The following STK32A variants were observed in gnomAD, a reference collection of about 807,000 sequenced individuals.
The protein encoded by STK32A is serine/threonine kinase 32A.
Under a neutral mutation model 53.2 loss-of-function variants are expected in STK32A, and 41 were observed. The ratio of observed to expected loss-of-function variants is 0.77; its 90% CI spans 0.60 to 1.00. STK32A has a LOEUF of 1.00. STK32A is among the 50% of genes least tolerant of loss of function. STK32A has a pLI of 0.00. For synonymous variants in STK32A, 166 were observed against 162.8 expected (o/e 1.02, Z -0.15); for missense variants, 458 against 485.8 (o/e 0.94, Z 0.54).
At chr5:147,391,345 C>G (rs563565974), downstream of STK32A, 2 of 152,644 alleles carry the variant, frequency 1.3e-5, no homozygotes, top group African/African-American at 2.4e-5. Flanking sequence ...AGAAATAGCT[C>G]TACTACGGGT....
intron 2 of STK32A, among the ~76,000 whole-genome samples, chr5:147,255,057 A>G (rs987265302): frequency 2.0e-5 from 3 of 152,140 alleles, no homozygotes; most frequent in Non-Finnish European, 4.4e-5. Context: ...GGAGAATGGC[A>G]TGAACCCAGG....
intron 11 of STK32A, among the ~76,000 whole-genome samples, chr5:147,379,271 T>G (rs1468546038): frequency 6.6e-6 from 1 of 152,016 alleles, no homozygotes; most frequent in Non-Finnish European, 1.5e-5. Context: ...CACATTCATT[T>G]TATATCCTGG....
At chr5:147,267,833 C>T (rs1754873190) in intron 2 of STK32A, among the ~76,000 whole-genome samples, 1 of 152,158 alleles carries the variant, frequency 6.6e-6, no homozygotes, top group Non-Finnish European at 1.5e-5. Flanking sequence ...CTCTGCCTGG[C>T]TACCTTTGGA....
chr5:147,290,794 T>A (rs1363011474), intron 4 of STK32A, among the ~76,000 whole-genome samples: 1 of 152,078 alleles, frequency 6.6e-6, no homozygotes, highest in Non-Finnish European at 1.5e-5. Context: ...TATGATTAAG[T>A]ATCGAGTTTG....
chr5:147,380,143 C>A (rs1413504249), intron 11 of STK32A, among the ~76,000 whole-genome samples: 1 of 152,084 alleles, frequency 6.6e-6, no homozygotes, highest in Non-Finnish European at 1.5e-5. Context: ...GTGGATTTTG[C>A]ATTTCACTCA....
chr5:147,366,095 C>T (rs757321016), intron 8 of STK32A, among the ~76,000 whole-genome samples: 3 of 151,950 alleles, frequency 2.0e-5, no homozygotes, highest in Non-Finnish European at 2.9e-5. Flanking sequence ...GCACCCCCGC[C>T]CACTCCCCAC....
chr5:147,246,326 C>A (rs1226977117), intron 2 of STK32A, among the ~76,000 whole-genome samples: 2 of 152,120 alleles, frequency 1.3e-5, no homozygotes, highest in South Asian at 4.1e-4. Flanking sequence ...AGAAAACAGA[C>A]CACAAACACT....
intron 2 of STK32A, among the ~76,000 whole-genome samples, chr5:147,257,751 T>C (rs562078458): frequency 9.2e-5 from 14 of 152,284 alleles, no homozygotes; most frequent in African/African-American, 3.4e-4. Flanking sequence ...GAACGTGATC[T>C]TCAGGCTGGT....
rs956960943 is a variant in STK32A at position 147,285,302 on chromosome 5, T to G, written c.260+5904T>G. On this transcript the variant is annotated intron_variant, in intron 4 of 12. Transcript: ENST00000397936. ...TCTCTCACCTTATACAAAAATCAAC[T>G]GAAGATGGATTAAGGACTTAAACCT... Among the ~76,000 whole-genome samples the G allele has an allele frequency of 2.0e-5, 3 of 152,012 alleles. No homozygotes were observed. The East Asian group carries it at 5.8e-4, about 29-fold the overall frequency.
intron 4 of STK32A, among the ~76,000 whole-genome samples, chr5:147,317,213 C>T (rs1461303728): frequency 2.0e-5 from 3 of 150,396 alleles, no homozygotes; most frequent in Non-Finnish European, 4.4e-5. Context: ...TTTTTACAAA[C>T]TACAAAGAAT....
intron 8 of STK32A, among the ~76,000 whole-genome samples, chr5:147,363,999 T>C (rs1207511108): frequency 6.6e-6 from 1 of 152,088 alleles, no homozygotes; most frequent in Non-Finnish European, 1.5e-5. Context: ...GCAGATCACC[T>C]GAGGTCAGTA....
chr5:147,287,908 C>G (rs1752421238), intron 4 of STK32A, among the ~76,000 whole-genome samples: 1 of 151,156 alleles, frequency 6.6e-6, no homozygotes, highest in African/African-American at 2.4e-5. Flanking sequence ...ATTTTACCTT[C>G]TCATATTTGT....
At chr5:147,347,229 AGT>A (rs1001630126) in intron 6 of STK32A, among the ~76,000 whole-genome samples, 4 of 152,068 alleles carry the variant, frequency 2.6e-5, no homozygotes, top group African/African-American at 7.2e-5. Context: ...AGCAAGAAAG[AGT>A]GTAAATGATG....
chr5:147,381,224 G>A (rs908407889), intron 11 of STK32A, among the ~76,000 whole-genome samples: 24 of 152,100 alleles, frequency 1.6e-4, no homozygotes, highest in African/African-American at 5.8e-4. Flanking sequence ...GAATATATCA[G>A]CCCACTGCCT....
intron 8 of STK32A, among the ~76,000 whole-genome samples, chr5:147,370,294 G>C (rs1353986485): frequency 1.3e-5 from 2 of 152,076 alleles, no homozygotes; most frequent in African/African-American, 4.8e-5. Context: ...CATTTATTGA[G>C]GACTTGTCCA....
rs2152003328 is a variant in STK32A at position 147,370,738 on chromosome 5, T to C, written c.745T>C (p.Trp249Arg). The change falls in exon 9 of 13, where the codon TGG (tryptophan) becomes CGG (arginine). Residue 249 changes from tryptophan to arginine, a missense_variant. Transcript: ENST00000397936. ...ETTVVTYPSA[W>R]SQEMVSLLKK... Reference sequence around the variant, plus strand: ...GACTGTTGTAACTTACCCTTCTGCCTGGTCACAGGAAATGGTGTCACTTCT... The same window carrying C: ...GACTGTTGTAACTTACCCTTCTGCCCGGTCACAGGAAATGGTGTCACTTCT... 6.2e-7 allele frequency: 1 copy of C among 1,612,486 alleles called. No individual in the cohort carries two copies. The highest frequency in any genetic ancestry group is 2.2e-5 in the East Asian group (1 of 44,842).
chr5:147,394,028 G>A, the STK32A span: 1 of 1,614,022 alleles, frequency 6.2e-7, no homozygotes, highest in East Asian at 2.2e-5. Context: ...CTTTGAGGAA[G>A]GCTTGCTTAA....
intron 4 of STK32A, among the ~76,000 whole-genome samples, chr5:147,288,033 G>A (rs374888831): frequency 6.6e-6 from 1 of 152,014 alleles, no homozygotes; most frequent in Non-Finnish European, 1.5e-5. Flanking sequence ...TGCTAATTTG[G>A]TGTCATTCCA....
intron 5 of STK32A, among the ~76,000 whole-genome samples, chr5:147,329,168 A>T (rs904998934): frequency 6.6e-6 from 1 of 152,190 alleles, no homozygotes; most frequent in Non-Finnish European, 1.5e-5. Context: ...GTAGAAAAAC[A>T]CAGGATGGTA....
Sources: gnomAD v4.1 joint callset for allele counts (sites outside exome capture counted in the v4.1 genomes callset) on GRCh38, gnomAD v4.1.1 for gene constraint, MANE v1.5 for transcripts, NCBI Gene and HGNC (gene_info 2026-07-23, HGNC 2026-07-21) for gene names.